The following MIPEP variants were observed in gnomAD, a reference collection of about 807,000 sequenced individuals.
The protein encoded by MIPEP is mitochondrial intermediate peptidase.
Under a neutral mutation model 90.3 loss-of-function variants are expected in MIPEP, and 79 were observed. That is an observed-to-expected ratio of 0.87 (90% CI 0.73 to 1.05). The LOEUF (loss-of-function observed/expected upper bound fraction) is 1.05. MIPEP is among the 50% of genes least tolerant of loss of function. The pLI is 0.00. For synonymous variants in MIPEP, 334 were observed against 315.8 expected, an observed-to-expected ratio of 1.06 and a Z score of -0.61; for missense variants, 940 against 905.6, an observed-to-expected ratio of 1.04 and a Z score of -0.49.
intron 16 of MIPEP, 98 bp downstream of exon 16, chr13:23,805,852 G>T: frequency 7.6e-7 from 1 of 1,316,766 alleles, no homozygotes; most frequent in South Asian, 1.5e-5. Flanking sequence ...CATAAATGTA[G>T]GGATTTCAAG....
At chr13:23,787,496 C>A (rs527750072) in intron 16 of MIPEP, among the ~76,000 whole-genome samples, 1 of 152,268 alleles carries the variant, frequency 6.6e-6, no homozygotes, top group African/African-American at 2.4e-5. Context: ...AGGCACTAAT[C>A]CCTTCATGAG....
rs1443001474 is a variant in MIPEP at position 23,740,811 on chromosome 13, G to A, written c.2045-10366C>T. On this transcript the variant is annotated intron_variant, in intron 18 of 18. Coordinates refer to ENST00000382172, the MANE Select transcript of MIPEP (RefSeq NM_005932.4). ...CTGTCAGGTGTGGCAGGAGGTGTGA[G>A]GGGGATAGGAAGATGCACAGAGGGA... Among the ~76,000 whole-genome samples the A allele has an allele frequency of 2.0e-5, 3 of 152,224 alleles. No individual in the cohort carries two copies. The South Asian group carries it at 6.2e-4, about 32-fold the overall frequency.
At chr13:23,832,182 G>A (rs1868801534) in intron 14 of MIPEP, among the ~76,000 whole-genome samples, 1 of 152,086 alleles carries the variant, frequency 6.6e-6, no homozygotes, top group African/African-American at 2.4e-5. Flanking sequence ...ATGGGAGTGG[G>A]ACTGCTGGCT....
intron 17 of MIPEP, 85 bp from the exon 18 acceptor site, chr13:23,756,703 G>A (rs1309098858): frequency 7.7e-7 from 1 of 1,306,202 alleles, no homozygotes; most frequent in Non-Finnish European, 1.1e-6. Flanking sequence ...AAGCCACACT[G>A]ATGCCATATT....
chr13:23,787,108 T>A (rs765989493), intron 16 of MIPEP, among the ~76,000 whole-genome samples: 5 of 152,224 alleles, frequency 3.3e-5, no homozygotes, highest in Non-Finnish European at 5.9e-5. Flanking sequence ...TATCCACATG[T>A]TGTGTCTGAC....
At chr13:23,778,829 C>T (rs369338371) in intron 16 of MIPEP, among the ~76,000 whole-genome samples, 3 of 152,210 alleles carry the variant, frequency 2.0e-5, no homozygotes, top group African/African-American at 7.2e-5. Context: ...TAGATATCAC[C>T]ATCTTACTGA....
At chr13:23,816,288 T>C (rs1342263522) in intron 14 of MIPEP, among the ~76,000 whole-genome samples, 4 of 152,208 alleles carry the variant, frequency 2.6e-5, no homozygotes, top group African/African-American at 7.2e-5. Flanking sequence ...GAATTGCATG[T>C]ATGTTACACT....
At chr13:23,846,828 T>C (rs200237818) in intron 10 of MIPEP, among the ~76,000 whole-genome samples, 1 of 434 alleles carries the variant, frequency 2.3e-3, no homozygotes. Context: ...CACTACCAAA[T>C]GATGATGATG....
rs1555231233 is a variant in MIPEP, at chr13:23,753,238, AAAT to A, written c.2044+3304_2044+3306del. On this transcript the variant is annotated intron_variant, in intron 18 of 18. Coordinates refer to ENST00000382172, the MANE Select transcript of MIPEP (RefSeq NM_005932.4). ...GACTCCATCTCAAAAAAAAAAAAAA[AAAT>A]AATAATAATAATAAGACAAAAAAAG... Among the ~76,000 whole-genome samples, 313 of 143,022 alleles carry A rather than the reference AAAT, an allele frequency of 2.2e-3. 8 individuals are homozygous for A. Among genetic ancestry groups the A allele is most frequent in the Middle Eastern group, 3.6e-3 (1 of 276 alleles). 93.8% of individuals were successfully genotyped at this position (143,022 alleles called of 152,430 possible).
At chr13:23,802,265 G>A (rs1953052213) in intron 16 of MIPEP, among the ~76,000 whole-genome samples, 1 of 152,120 alleles carries the variant, frequency 6.6e-6, no homozygotes, top group African/African-American at 2.4e-5. Context: ...TTTATTCAAA[G>A]TAATTTAAAA....
chr13:23,792,853 A>G (rs560486633), intron 16 of MIPEP, among the ~76,000 whole-genome samples: 2 of 152,348 alleles, frequency 1.3e-5, no homozygotes, highest in Non-Finnish European at 2.9e-5. Context: ...CATATGAAGA[A>G]GCACCCAGTA....
Position 23,814,003 on chromosome 13 carries a change from A to C in MIPEP, c.1654-4079T>G, listed in dbSNP as rs1953206370. Among the ~76,000 whole-genome samples, 4 of 152,252 alleles carry C rather than the reference A, an allele frequency of 2.6e-5. No individual in the cohort carries two copies. The South Asian group carries it at 8.3e-4, about 31-fold the overall frequency. On this transcript the variant is annotated intron_variant, in intron 14 of 18. Coordinates refer to ENST00000382172, the MANE Select transcript of MIPEP (RefSeq NM_005932.4). ...AGCAACTATGTATAAATGAAAATGC[A>C]TTTAAAACATCTAAGCCTTGAATAA...
chr13:23,782,200 T>A (rs1340889443), intron 16 of MIPEP, among the ~76,000 whole-genome samples: 1 of 152,204 alleles, frequency 6.6e-6, no homozygotes, highest in African/African-American at 2.4e-5. Flanking sequence ...ACCACATAGT[T>A]GGAAGTAAAG....
chr13:23,805,830 G>A, intron 16 of MIPEP, 120 bp downstream of exon 16: 1 of 1,061,712 alleles, frequency 9.4e-7, no homozygotes, highest in South Asian at 1.7e-5. Flanking sequence ...TTTGAGCCAT[G>A]TGAAGCCTCA....
chr13:23,795,738 A>G (rs1215584701), intron 16 of MIPEP, among the ~76,000 whole-genome samples: 1 of 152,054 alleles, frequency 6.6e-6, no homozygotes, highest in African/African-American at 2.4e-5. Context: ...TTAAAAACAC[A>G]AAAACATTTG....
chr13:23,876,397 G>T (rs1452301010), intron 4 of MIPEP, among the ~76,000 whole-genome samples: 1 of 152,070 alleles, frequency 6.6e-6, no homozygotes, highest in African/African-American at 2.4e-5. Flanking sequence ...GAAAACTAGG[G>T]TTTAGTGAGC....
chr13:23,759,496 A>G (rs1952517788), intron 17 of MIPEP, among the ~76,000 whole-genome samples: 1 of 126,988 alleles, frequency 7.9e-6, no homozygotes. Flanking sequence ...GGGATCCCCC[A>G]CACCCCCCTA....
intron 2 of MIPEP, among the ~76,000 whole-genome samples, chr13:23,885,697 GT>G (rs1871448282): frequency 6.7e-6 from 1 of 149,330 alleles, no homozygotes; most frequent in African/African-American, 2.5e-5. Flanking sequence ...AAAAAAAAAA[GT>G]CTTTACAATC....
At chr13:23,835,209 C>G (rs11617286) in intron 14 of MIPEP, among the ~76,000 whole-genome samples, 71,105 of 151,488 alleles carry the variant, frequency 0.47, 18,177 homozygotes, top group South Asian at 0.62. Flanking sequence ...TTAGTAGACA[C>G]GGGGTTTCAC....
Sources: gnomAD v4.1 joint callset for allele counts (sites outside exome capture counted in the v4.1 genomes callset) on GRCh38, gnomAD v4.1.1 for gene constraint, MANE v1.5 for transcripts, NCBI Gene and HGNC (gene_info 2026-07-23, HGNC 2026-07-21) for gene names.